The following JAG1 variants were observed in gnomAD, a reference collection of about 807,000 sequenced individuals.
JAG1 encodes the protein protein jagged-1.
A neutral mutation model predicts 148.7 loss-of-function variants in JAG1; 23 were observed. The ratio of observed to expected loss-of-function variants is 0.15; its 90% CI spans 0.11 to 0.22. The LOEUF (loss-of-function observed/expected upper bound fraction) is 0.22. JAG1 is among the 10% of genes least tolerant of loss of function. The pLI is 1.00. For synonymous variants in JAG1, 572 were observed against 598.3 expected, an observed-to-expected ratio of 0.96 and a Z score of 0.64; for missense variants, 1,054 against 1,611.2, an observed-to-expected ratio of 0.65 and a Z score of 5.92.
At chr20:10,652,102 AG>A in intron 7 of JAG1, 28 bp downstream of exon 7, 1 of 1,612,964 alleles carries the variant, frequency 6.2e-7, no homozygotes, top group Non-Finnish European at 8.5e-7. Context: ...AATTAGACAA[AG>A]GGCTCTCATT....
intron 2 of JAG1, among the ~76,000 whole-genome samples, chr20:10,666,894 C>T (rs142246426): frequency 1.3e-5 from 2 of 152,328 alleles, no homozygotes; most frequent in East Asian, 3.9e-4. Flanking sequence ...CACCAGGTTC[C>T]CAGCAAGGCT....
At chr20:10,665,930 T>G (rs2067450885) in intron 2 of JAG1, among the ~76,000 whole-genome samples, 2 of 152,138 alleles carry the variant, frequency 1.3e-5, no homozygotes, top group Non-Finnish European at 2.9e-5. Context: ...TCGCCAGAAC[T>G]GGGAAAACCT....
At chr20:10,661,198 C>G (rs1341687492) in intron 3 of JAG1, among the ~76,000 whole-genome samples, 1 of 152,066 alleles carries the variant, frequency 6.6e-6, no homozygotes, top group Non-Finnish European at 1.5e-5. Context: ...TAAACAGCAC[C>G]TAGGCTATAT....
chr20:10,656,091 CCATCTAGCCCAT>C (rs1221703955), intron 5 of JAG1, among the ~76,000 whole-genome samples: 1 of 152,192 alleles, frequency 6.6e-6, no homozygotes, highest in African/African-American at 2.4e-5. Flanking sequence ...CCACATCCCT[CCATCTAGCCCAT>C]CAGCACTATA....
At chr20:10,646,415 T>C (rs939270409) in intron 14 of JAG1, 12 of 387,036 alleles carry the variant, frequency 3.1e-5, no homozygotes, top group South Asian at 1.7e-4. Context: ...CGAGGCAGAG[T>C]GATCTGGTAA....
chr20:10,646,230 T>C, intron 14 of JAG1, 146 bp from the exon 15 acceptor site: 1 of 686,002 alleles, frequency 1.5e-6, no homozygotes, highest in Non-Finnish European at 2.7e-6. Context: ...TTTCTCAAAT[T>C]AGACAGGCGG....
chr20:10,646,790 A>G, intron 14 of JAG1, 149 bp downstream of exon 14: 2 of 813,188 alleles, frequency 2.5e-6, no homozygotes, highest in Non-Finnish European at 4.2e-6. Context: ...GTGCCACTGC[A>G]CTCTAGCCTG....
intron 5 of JAG1, 104 bp from the exon 6 acceptor site, chr20:10,652,702 TC>T: frequency 7.7e-7 from 1 of 1,290,932 alleles, no homozygotes; most frequent in African/African-American, 1.5e-5. Context: ...CTGTTTTGTT[TC>T]TGGGGACAGG....
chr20:10,643,677 A>T, intron 20 of JAG1, 101 bp downstream of exon 20: 1 of 906,890 alleles, frequency 1.1e-6, no homozygotes, highest in Non-Finnish European at 1.8e-6. Flanking sequence ...AGAGCTACTT[A>T]AAGGGAATGG....
chr20:10,663,892 G>T, intron 3 of JAG1, 71 bp downstream of exon 3: 1 of 1,191,534 alleles, frequency 8.4e-7, no homozygotes. Flanking sequence ...GACAGATCCA[G>T]CTCCAACTGG....
intron 2 of JAG1, among the ~76,000 whole-genome samples, chr20:10,669,586 A>AAAAAAAT (rs2067481759): frequency 7.2e-6 from 1 of 138,618 alleles, no homozygotes; most frequent in Non-Finnish European, 1.5e-5. Flanking sequence ...AAAAAAAAAA[A>AAAAAAAT]AAGTTGATCT....
At position 10,646,093 on chromosome 20, in the gene JAG1, CAAAGT is replaced by C; in HGVS notation, c.1886-14_1886-10del. On this transcript the variant is annotated splice_polypyrimidine_tract_variant and intron_variant, in intron 14 of 25. Coordinates refer to ENST00000254958, the MANE Select transcript of JAG1 (RefSeq NM_000214.3). Reference sequence around the variant, plus strand: ...CTCACAGTCATTAATATCTATGAAACAAAGTAAAGCAAAAAAAGAACTGAAGGACT... The same window carrying C: ...CTCACAGTCATTAATATCTATGAAACAAAGCAAAAAAAGAACTGAAGGACT... 1.3e-6 allele frequency: 2 copies of C among 1,586,670 alleles called. No individual in the cohort carries two copies. Among genetic ancestry groups the C allele is most frequent in the Non-Finnish European group, 1.7e-6 (2 of 1,155,088 alleles).
At chr20:10,641,948 A>C in intron 21 of JAG1, 56 bp from the exon 22 acceptor site, 1 of 1,139,524 alleles carries the variant, frequency 8.8e-7, no homozygotes, top group Admixed American at 1.7e-5. Context: ...ATCGGGGTTC[A>C]ATTCTTTGGT....
At chr20:10,640,650 A>T (rs765587772) in intron 25 of JAG1, 133 bp downstream of exon 25, 16 of 898,222 alleles carry the variant, frequency 1.8e-5, no homozygotes, top group Non-Finnish European at 2.9e-5. Context: ...GGCTGCCCTC[A>T]GTTCTCAGTT....
intron 2 of JAG1, among the ~76,000 whole-genome samples, chr20:10,669,547 C>CA (rs56122797): frequency 0.022 from 960 of 44,174 alleles, 320 homozygotes; most frequent in Non-Finnish European, 0.026. Context: ...TTGGATTTTC[C>CA]AAAAAAAAAA....
intron 3 of JAG1, among the ~76,000 whole-genome samples, chr20:10,660,141 C>CA (rs1334826851): frequency 6.6e-5 from 10 of 152,182 alleles, no homozygotes; most frequent in Admixed American, 1.3e-4. Flanking sequence ...AAAAGTGATG[C>CA]AAGCCCTATA....
rs779032703 is a variant in JAG1 at position 10,646,024 on chromosome 20, T to C, written c.1946A>G (p.Asn649Ser). 1.2e-6 allele frequency: 2 copies of C among 1,613,908 alleles called. No homozygotes were observed. The highest frequency in any genetic ancestry group is 1.1e-5 in the South Asian group (1 of 91,068). ...GTCACTACAGATGCACTTGTAGGAG[T>C]TGACACCATCGATGCAAGTGCCACC... The part of the protein sequence containing the change: ...RNGGTCIDGV[N>S]SYKCICSDGW... The change falls in exon 15 of 26, where the codon AAC becomes AGC. Residue 649 changes from asparagine (N) to serine (S), a missense_variant. This residue lies in a region of JAG1 where 35 missense variants were observed against 99.7 expected (regional missense o/e 0.35). Transcript: ENST00000254958.
chr20:10,670,500 T>C (rs1022696806), intron 2 of JAG1, among the ~76,000 whole-genome samples: 3 of 152,210 alleles, frequency 2.0e-5, no homozygotes, highest in Admixed American at 2.0e-4. Context: ...CTGTGCCCTC[T>C]AGTTAAATAC....
chr20:10,637,684 G>A lies in JAG1; in HGVS notation c.*1814C>T, dbSNP rs1483086439. 1 of 152,640 alleles carries A rather than the reference G, an allele frequency of 6.6e-6. No homozygotes were observed. The highest frequency in any genetic ancestry group is 1.5e-5 in the Non-Finnish European group (1 of 68,058). The allele number at this position is 152,640 out of a possible 1,614,324, so 9.5% of individuals were successfully genotyped here. ...ACAAACAATTCACCTCGACACTACA[G>A]GCCATTAATCCAGTGGTGTTTATTC... On this transcript the variant is annotated 3_prime_UTR_variant, in exon 26 of 26. Transcript: ENST00000254958.
Sources: allele counts gnomAD v4.1 joint callset (sites outside exome capture counted in the v4.1 genomes callset), GRCh38; gene constraint gnomAD v4.1.1; regional missense constraint gnomAD v4.1.1; transcripts MANE v1.5; gene names NCBI Gene and HGNC (gene_info 2026-07-23, HGNC 2026-07-21).